Variants in ZFHX2 observed in about 807,000 individuals in gnomAD.
The protein encoded by ZFHX2 is zinc finger homeobox protein 2.
A neutral mutation model predicts 164.8 loss-of-function variants in ZFHX2; 75 were observed. The ratio of observed to expected loss-of-function variants is 0.46; its 90% CI spans 0.38 to 0.55. The LOEUF (loss-of-function observed/expected upper bound fraction) is 0.55. Ranked by LOEUF, ZFHX2 falls within the 20% of genes least tolerant of loss-of-function variation. The probability of loss-of-function intolerance (pLI) is 0.00; values close to 1 mark genes in which losing one functional copy is unlikely to be tolerated. For missense variants in ZFHX2, 2,933 were observed against 3,308.0 expected (o/e 0.89, Z 2.78); for synonymous variants, 1,217 against 1,351.4 (o/e 0.90, Z 2.18).
chr14:23,527,534 G>C, intron 7 of ZFHX2, 70 bp downstream of exon 7: 1 of 1,516,650 alleles, frequency 6.6e-7, no homozygotes, highest in Non-Finnish European at 8.8e-7. Context: ...GAATACCCCT[G>C]CCTCTTCCTC....
In ZFHX2 at chr14:23,525,099, C is replaced by T; in HGVS notation, c.4843G>A (p.Glu1615Lys). ...FQTQALQSFF[E>K]TSAYPKDGEV... ...CCGTCTTTGGGGTAGGCGCTAGTCT[C>T]AAAGAAAGACTGCAGGGCTTGGGTC... The change falls in exon 9 of 10, where the codon GAG becomes AAG. Residue 1615 changes from glutamate (E) to lysine (K), a missense_variant. Coordinates refer to ENST00000419474, the MANE Select transcript of ZFHX2 (RefSeq NM_033400.3). The surrounding 1 kb of genome is among the most constrained non-coding windows in gnomAD (Gnocchi z 5.9). The T allele has an allele frequency of 6.5e-7, 1 of 1,536,192 alleles. No homozygotes were observed. The highest frequency in any genetic ancestry group is 1.4e-5 in the African/African-American group (1 of 73,176).
At chr14:23,538,892 C>T (rs1257395320) in intron 1 of ZFHX2, among the ~76,000 whole-genome samples, 1 of 151,874 alleles carries the variant, frequency 6.6e-6, no homozygotes, top group East Asian at 1.9e-4. Flanking sequence ...TGTGAAGGGG[C>T]GCCACAGACG....
Position 23,526,598 on chromosome 14 carries a change from G to T in ZFHX2, c.3344C>A (p.Pro1115His), listed in dbSNP as rs752321234. 17 of 1,535,832 alleles carry T rather than the reference G, an allele frequency of 1.1e-5. No homozygotes were observed. The highest frequency in any genetic ancestry group is 1.5e-5 in the Non-Finnish European group (17 of 1,146,816). Residue 1115 changes from proline (P) to histidine (H), a missense_variant, in exon 9 of 10, where the codon CCC (proline) becomes CAC (histidine). By Grantham distance (77) the Pro-to-His change is moderately conservative. Transcript: ENST00000419474. ...AGGGGGTTGGCCAGGGCTTCCTGAG[G>T]GTTTGTCTGGGACCTCAACTGAGGC... ...PLASVEVPDK[P>H]SGSPGQPPSP...
At chr14:23,529,867 G>A in intron 5 of ZFHX2, 99 bp from the exon 6 acceptor site, 1 of 1,252,568 alleles carries the variant, frequency 8.0e-7, no homozygotes, top group Non-Finnish European at 1.1e-6. Flanking sequence ...CTAGAGAAAG[G>A]GCAGGAAACT....
chr14:23,529,800 C>G (rs1348202804), intron 5 of ZFHX2, 32 bp from the exon 6 acceptor site: 2 of 1,529,198 alleles, frequency 1.3e-6, no homozygotes, highest in Non-Finnish European at 8.8e-7. Context: ...ATTAAGGAAC[C>G]CTGACAGCCC....
chr14:23,547,270 G>A (rs966480330), intron 1 of ZFHX2, among the ~76,000 whole-genome samples: 3 of 152,330 alleles, frequency 2.0e-5, no homozygotes, highest in Non-Finnish European at 4.4e-5. Context: ...TGCTGCCTTC[G>A]TTGTATTAAT....
upstream of ZFHX2, among the ~76,000 whole-genome samples, chr14:23,552,948 G>A (rs187176846): frequency 6.6e-6 from 1 of 152,224 alleles, no homozygotes; most frequent in Admixed American, 6.5e-5. Context: ...GAATGCACAG[G>A]GACAGTTCCA....
In ZFHX2 at chr14:23,541,079, G is replaced by GT. The variant is rs577265607; in HGVS notation, c.-49-5706dup. ...ATGCCACCAGGCCTGGCTAATTTTT[G>GT]TATTTCAGTAGAGACGGGGTTTCAC... On this transcript the variant is annotated intron_variant, in intron 1 of 9. Coordinates refer to ENST00000419474, the MANE Select transcript of ZFHX2 (RefSeq NM_033400.3). 3.8e-3 allele frequency among the ~76,000 whole-genome samples: 570 copies of GT among 151,762 alleles called. 4 individuals are homozygous for GT. The highest frequency in any genetic ancestry group is 0.013 in the African/African-American group (535 of 41,394).
Position 23,525,895 on chromosome 14 carries a change from A to C in ZFHX2, c.4047T>G (p.Pro1349=), listed in dbSNP as rs780944327. 7.1e-7 allele frequency: 1 copy of C among 1,405,706 alleles called. No individual in the cohort carries two copies. The highest frequency in any genetic ancestry group is 1.8e-5 in the African/African-American group (1 of 56,146). The allele number at this position is 1,405,706 out of a possible 1,614,324, so 87.1% of individuals were successfully genotyped here. The stretch of plus-strand genomic sequence containing the variant: ...GCTTAAGCAGTGATTCGGGCACCAG[A>C]GGGAAGGGGGGCAGGACTGGTGGGG... The part of the protein sequence containing the change: ...LFTPPVLPPF[P]LVPESLLKLQ... Residue 1349 remains proline, a synonymous_variant, in exon 9 of 10, where the codon CCT becomes CCG. Transcript: ENST00000419474. This position sits in a 1 kb window ranked among gnomAD's most constrained non-coding sequence, Gnocchi z 5.9.
At position 23,532,633 on chromosome 14, in the gene ZFHX2, G is replaced by C. The variant is rs1417667912; in HGVS notation, c.2493C>G (p.Asn831Lys). ...LRCNICDFES[N>K]SKEKMQLHAR... ...CATGCAGCTGCATCTTCTCCTTGCT[G>C]TTGGACTCAAAGTCACAGATGTTGC... The change falls in exon 3 of 10, where the codon AAC (asparagine) becomes AAG (lysine). Residue 831 changes from asparagine to lysine, a missense_variant. Coordinates refer to ENST00000419474, the MANE Select transcript of ZFHX2 (RefSeq NM_033400.3). 16 of 1,468,278 alleles carry C rather than the reference G, an allele frequency of 1.1e-5. No individual in the cohort carries two copies. Among genetic ancestry groups the C allele is most frequent in the Non-Finnish European group, 1.3e-5 (14 of 1,111,768 alleles). 91.0% of individuals were successfully genotyped at this position (1,468,278 alleles called of 1,614,324 possible). A position where few individuals can be genotyped will look rare whatever the true frequency, so the allele number is the denominator to read the frequency against.
chr14:23,532,425 A>G (rs1017403007), intron 3 of ZFHX2, 142 bp downstream of exon 3: 15 of 1,011,360 alleles, frequency 1.5e-5, no homozygotes, highest in Non-Finnish European at 1.9e-5. Flanking sequence ...TTACCCTGGT[A>G]CATATGTCAT....
Position 23,534,958 on chromosome 14 carries a change from T to C in ZFHX2, c.368A>G (p.Tyr123Cys). The stretch of plus-strand genomic sequence containing the variant: ...TGGCAGGGACAGCTTGGCCACTAGG[T>C]AGGCCTCACCTCCAGCTGTGAAGAA... ...HLFFTAGGEA[Y>C]LVAKLSLPGG... The change falls in exon 2 of 10, where the codon TAC becomes TGC. Residue 123 changes from tyrosine (Y) to cysteine (C), a missense_variant. By Grantham distance (194) the Tyr-to-Cys change is radical. Transcript: ENST00000419474. This position sits in a 1 kb window ranked among gnomAD's most constrained non-coding sequence, Gnocchi z 4.5. 6.5e-7 allele frequency: 1 copy of C among 1,536,116 alleles called. No individual in the cohort carries two copies. Among genetic ancestry groups the C allele is most frequent in the Non-Finnish European group, 8.7e-7 (1 of 1,146,904 alleles).
rs1248332782 is a variant in ZFHX2 at position 23,524,234 on chromosome 14, A to G, written c.5708T>C (p.Val1903Ala). The G allele has an allele frequency of 6.5e-7, 1 of 1,536,416 alleles. No homozygotes were observed. ...CCGGGCCCTGGTATTCTGGAACCAG[A>G]CCTGTACCACTCGCTTTTTGAGCCC... The part of the protein sequence containing the change: ...EVGLKKRVVQ[V>A]WFQNTRARER... Residue 1903 changes from valine (V) to alanine (A), a missense_variant, in exon 9 of 10, where the codon GTC becomes GCC. Coordinates refer to ENST00000419474, the MANE Select transcript of ZFHX2 (RefSeq NM_033400.3). The surrounding 1 kb of genome is among the most constrained non-coding windows in gnomAD (Gnocchi z 5.6).
At position 23,530,045 on chromosome 14, in the gene ZFHX2, G is replaced by A. The variant is rs2138743151; in HGVS notation, c.2875+75C>T. On this transcript the variant is annotated intron_variant, in intron 5 of 9. Coordinates refer to ENST00000419474, the MANE Select transcript of ZFHX2 (RefSeq NM_033400.3). ...GCTCCTTGAGCACAGACATTGCTGGGCTCCTGGATTACTGCAAGGTCCCGT... is the reference window on the plus strand; with the variant it reads ...GCTCCTTGAGCACAGACATTGCTGGACTCCTGGATTACTGCAAGGTCCCGT... 2.2e-6 allele frequency: 3 copies of A among 1,356,608 alleles called. No homozygotes were observed. The East Asian group carries it at 7.5e-5, about 34-fold the overall frequency. 84.0% of individuals were successfully genotyped at this position (1,356,608 alleles called of 1,614,324 possible). A position where few individuals can be genotyped will look rare whatever the true frequency, so the allele number is the denominator to read the frequency against.
intron 1 of ZFHX2, among the ~76,000 whole-genome samples, chr14:23,549,312 AC>A (rs1881723991): frequency 1.3e-5 from 2 of 151,942 alleles, no homozygotes; most frequent in South Asian, 4.2e-4. Flanking sequence ...TATTGCACCG[AC>A]CACCCCTTTC....
rs546959141 is a variant in ZFHX2, at chr14:23,528,971, G to A, written c.2934+739C>T. Among the ~76,000 whole-genome samples the A allele has an allele frequency of 2.7e-4, 41 of 152,376 alleles. 1 individual carries two copies. The South Asian group carries it at 6.6e-3, about 25-fold the overall frequency. On this transcript the variant is annotated intron_variant, in intron 6 of 9. Transcript: ENST00000419474. ...ACCTAGCCCCTGGAGCAGACATCTGGAAGAGGTCTGTTGGCGGGAGCAGGA... is the reference window on the plus strand; with the variant it reads ...ACCTAGCCCCTGGAGCAGACATCTGAAAGAGGTCTGTTGGCGGGAGCAGGA...
chr14:23,529,464 C>G (rs532986458), intron 6 of ZFHX2: 2 of 513,640 alleles, frequency 3.9e-6, no homozygotes, highest in Non-Finnish European at 3.5e-6. Context: ...TTCCTTTATT[C>G]ATCTTTCCCT....
At position 23,546,181 on chromosome 14, in the gene ZFHX2, T is replaced by TGCACACCCTG. The variant is rs1324924792; in HGVS notation, c.-50+5152_-50+5161dup. On this transcript the variant is annotated intron_variant, in intron 1 of 9. Transcript: ENST00000419474. This position sits in a 1 kb window ranked among gnomAD's most constrained non-coding sequence, Gnocchi z 4.7. ...CATAAACTGCTCTGCAGAGAGGTCT[T>TGCACACCCTG]GCACACCCTGGAACATTCATGTCTT... Among the ~76,000 whole-genome samples, 1 of 152,254 alleles carries TGCACACCCTG rather than the reference T, an allele frequency of 6.6e-6. No homozygotes were observed. The highest frequency in any genetic ancestry group is 1.5e-5 in the Non-Finnish European group (1 of 68,046).
chr14:23,525,941 C>T lies in ZFHX2; in HGVS notation c.4001G>A (p.Arg1334Gln), dbSNP rs763967062. The T allele has an allele frequency of 4.2e-5, 62 of 1,464,312 alleles. No individual in the cohort carries two copies. The highest frequency in any genetic ancestry group is 6.9e-5 in the South Asian group (5 of 72,774). 90.7% of individuals were successfully genotyped at this position (1,464,312 alleles called of 1,614,324 possible). ...TGGGGTGAAGAGAGGGGCTGGGAAT[C>T]GGTGCAGGTCCAAGGGAGGTGGGGG... ...SPPPPPLDLH[R>Q]FPAPLFTPPV... The change falls in exon 9 of 10, where the codon CGA (arginine) becomes CAA (glutamine). Residue 1334 changes from arginine to glutamine, a missense_variant. Coordinates refer to ENST00000419474, the MANE Select transcript of ZFHX2 (RefSeq NM_033400.3). The surrounding 1 kb of genome is among the most constrained non-coding windows in gnomAD (Gnocchi z 5.9).
Sources: gnomAD v4.1 joint callset for allele counts (sites outside exome capture counted in the v4.1 genomes callset) on GRCh38, gnomAD v4.1.1 for gene constraint, Gnocchi (gnomAD v3.1) non-coding constraint, MANE v1.5 for transcripts, NCBI Gene and HGNC (gene_info 2026-07-23, HGNC 2026-07-21) for gene names.